The following CSNK2A2IP variants were observed in gnomAD, a reference collection of about 807,000 sequenced individuals.
The protein encoded by CSNK2A2IP is casein kinase 2 subunit alpha' interacting protein.
chr3:88,451,090 T>C, the CSNK2A2IP span, among the ~76,000 whole-genome samples: 1 of 152,122 alleles, frequency 6.6e-6, no homozygotes, highest in African/African-American at 2.4e-5. Context: ...TTGAAAAATA[T>C]TTATTATTTA....
the CSNK2A2IP span, among the ~76,000 whole-genome samples, chr3:88,421,527 C>G: frequency 6.6e-6 from 1 of 152,144 alleles, no homozygotes; most frequent in African/African-American, 2.4e-5. Flanking sequence ...AGCAATTCTC[C>G]TACCTCAGCC....
the CSNK2A2IP span, among the ~76,000 whole-genome samples, chr3:88,349,371 T>G: frequency 1.2e-4 from 19 of 152,242 alleles, no homozygotes; most frequent in Admixed American, 6.6e-4. Flanking sequence ...CACTTATAAG[T>G]GAGAACATAT....
At chr3:88,341,072 CTTTTCCATTAAAATTCAAGTT>C in the CSNK2A2IP span, among the ~76,000 whole-genome samples, 1 of 151,792 alleles carries the variant, frequency 6.6e-6, no homozygotes, top group Admixed American at 6.6e-5. Context: ...TGCATATTTA[CTTTTCCATTAAAATTCAAGTT>C]TTTATGTGAA....
the CSNK2A2IP span, among the ~76,000 whole-genome samples, chr3:88,438,970 C>T: frequency 2.1e-4 from 32 of 152,278 alleles, no homozygotes; most frequent in East Asian, 2.3e-3. Flanking sequence ...CAGCCTGTCT[C>T]ACCTACTTTG....
At chr3:88,359,154 T>C in the CSNK2A2IP span, among the ~76,000 whole-genome samples, 1 of 151,934 alleles carries the variant, frequency 6.6e-6, no homozygotes, top group Non-Finnish European at 1.5e-5. Context: ...TTCTTCCAGG[T>C]TTCCTAGTTT....
chr3:88,425,390 T>C, the CSNK2A2IP span, among the ~76,000 whole-genome samples: 1 of 152,142 alleles, frequency 6.6e-6, no homozygotes, highest in Non-Finnish European at 1.5e-5. Flanking sequence ...CTTGCTAACC[T>C]ACATAAGAGT....
chr3:88,364,306 G>A, the CSNK2A2IP span, among the ~76,000 whole-genome samples: 2 of 151,968 alleles, frequency 1.3e-5, no homozygotes, highest in African/African-American at 2.4e-5. Context: ...ATTGCTTCAG[G>A]TGGGATGGTA....
At chr3:88,429,185 C>T in the CSNK2A2IP span, among the ~76,000 whole-genome samples, 1 of 151,890 alleles carries the variant, frequency 6.6e-6, no homozygotes, top group Non-Finnish European at 1.5e-5. Flanking sequence ...AGGTTTCCAG[C>T]ATTTCCAGCA....
At chr3:88,457,751 A>AAAATAAAATCAAATC in the CSNK2A2IP span, among the ~76,000 whole-genome samples, 1 of 148,208 alleles carries the variant, frequency 6.7e-6, no homozygotes, top group Non-Finnish European at 1.5e-5. Flanking sequence ...AAAATAAAAT[A>AAAATAAAATCAAATC]AAATCTAGTA....
At chr3:88,345,420 G>A in the CSNK2A2IP span, among the ~76,000 whole-genome samples, 5 of 151,872 alleles carry the variant, frequency 3.3e-5, no homozygotes, top group Non-Finnish European at 5.9e-5. Context: ...GCTTTACTGA[G>A]CTTCACAGAT....
At chr3:88,449,730 G>T in the CSNK2A2IP span, among the ~76,000 whole-genome samples, 1 of 129,834 alleles carries the variant, frequency 7.7e-6, no homozygotes, top group African/African-American at 2.7e-5. Flanking sequence ...TTTCCTCAAT[G>T]ATAACTTTTT....
the CSNK2A2IP span, chr3:88,465,216 T>C: frequency 2.2e-6 from 1 of 446,514 alleles, no homozygotes; most frequent in East Asian, 3.5e-5. Flanking sequence ...ATTTGAGAAT[T>C]AACAGAAATA....
At chr3:88,372,559 A>G in the CSNK2A2IP span, among the ~76,000 whole-genome samples, 1 of 151,428 alleles carries the variant, frequency 6.6e-6, no homozygotes, top group East Asian at 1.9e-4. Flanking sequence ...GAAGGGAGGA[A>G]GAAGGGAACA....
At chr3:88,421,277 A>G in the CSNK2A2IP span, among the ~76,000 whole-genome samples, 2,652 of 152,246 alleles carry the variant, frequency 0.017, 38 homozygotes, top group Middle Eastern at 0.044. Context: ...GAAGATACGT[A>G]TGTATATAGG....
the CSNK2A2IP span, among the ~76,000 whole-genome samples, chr3:88,424,325 C>A: frequency 6.6e-6 from 1 of 151,986 alleles, no homozygotes; most frequent in Non-Finnish European, 1.5e-5. Flanking sequence ...TACCTTTTTG[C>A]CTGTTATCGA....
At chr3:88,405,200 T>G in the CSNK2A2IP span, among the ~76,000 whole-genome samples, 178 of 152,266 alleles carry the variant, frequency 1.2e-3, 1 homozygote, top group Non-Finnish European at 2.3e-3. Context: ...ATTGCAGTGG[T>G]CTCTATACCT....
chr3:88,375,807 C>G, the CSNK2A2IP span, among the ~76,000 whole-genome samples: 5 of 151,702 alleles, frequency 3.3e-5, no homozygotes, highest in Non-Finnish European at 5.9e-5. Flanking sequence ...AACTCCTGAC[C>G]CACATATTCA....
the CSNK2A2IP span, among the ~76,000 whole-genome samples, chr3:88,453,050 G>C: frequency 0.051 from 7,728 of 152,120 alleles, 339 homozygotes; most frequent in East Asian, 0.17. Flanking sequence ...AGCTTGACGA[G>C]GCAGAAATTT....
chr3:88,466,201 C>G, the CSNK2A2IP span: 129,036 of 1,231,496 alleles, frequency 0.1, 7,362 homozygotes, highest in Non-Finnish European at 0.12. Context: ...TCAGAAAACA[C>G]CTATATTGAA....
Sources: gnomAD v4.1 joint callset for allele counts (sites outside exome capture counted in the v4.1 genomes callset) on GRCh38, gnomAD v4.1.1 for gene constraint, MANE v1.5 for transcripts, NCBI Gene and HGNC (gene_info 2026-07-23, HGNC 2026-07-21) for gene names.